The following CNBD2 variants were observed in gnomAD, a reference collection of about 807,000 sequenced individuals.
The protein encoded by CNBD2 is cyclic nucleotide binding domain containing 2, also known as cyclic nucleotide-binding domain-containing protein 2.
A neutral mutation model predicts 63.7 loss-of-function variants in CNBD2; 64 were observed. The observed-to-expected ratio is 1.00, with a 90% CI of 0.82 to 1.24. The LOEUF (loss-of-function observed/expected upper bound fraction) is 1.24. Ranked by LOEUF, CNBD2 falls within the 50% of genes most tolerant of loss-of-function variation. CNBD2 has a pLI of 0.00. For synonymous variants in CNBD2, 229 were observed against 255.4 expected (o/e 0.90, Z 0.99); for missense variants, 691 against 713.5 (o/e 0.97, Z 0.36).
rs762271230 is a variant in CNBD2, at chr20:36,030,478, AAG to A, written c.1569_1570del (p.Glu523AspfsTer5). 6.2e-7 allele frequency: 1 copy of A among 1,613,930 alleles called. No homozygotes were observed. Among genetic ancestry groups the A allele is most frequent in the South Asian group, 1.1e-5 (1 of 91,062 alleles). ...ACTGTTCACTCCAAACCGGCCCAAG[AAG>A]AGAGAGATCTACAACCCTAAGTCTG... is the stretch of plus-strand genomic sequence containing the variant. ...SQLFTPNRPK[K>X]REIYNPKSVV... is the part of the protein sequence containing the mutation. On this transcript the variant is annotated frameshift_variant, in exon 12 of 12. Transcript: ENST00000373973. LOFTEE classifies it low-confidence loss of function (END_TRUNC).
At chr20:35,954,867 G>T (rs1445400772) in exon 1 of CNBD2, 5 of 303,424 alleles carry the variant, frequency 1.6e-5, no homozygotes, top group Non-Finnish European at 2.7e-5. Context: ...TTCGAGTGGC[G>T]CCCGGCCGGT....
chr20:35,967,144 G>A (rs1043982772), upstream of CNBD2, among the ~76,000 whole-genome samples: 4 of 151,068 alleles, frequency 2.6e-5, no homozygotes, highest in Admixed American at 2.6e-4. Flanking sequence ...GTGGCAGCTC[G>A]ACCAGGCGGT....
intron 2 of CNBD2, among the ~76,000 whole-genome samples, chr20:35,961,506 C>T (rs2056308996): frequency 6.6e-6 from 1 of 152,060 alleles, no homozygotes; most frequent in African/African-American, 2.4e-5. Context: ...TCATGATTAT[C>T]ATCTGTTTCA....
intron 7 of CNBD2, among the ~76,000 whole-genome samples, chr20:35,987,855 AATTT>A (rs10636802): frequency 2.0e-5 from 3 of 151,226 alleles, no homozygotes; most frequent in Admixed American, 6.6e-5. Context: ...ATCACTTTTA[AATTT>A]ATTTATTTAT....
chr20:35,979,092 C>T (rs2056561989), intron 3 of CNBD2, among the ~76,000 whole-genome samples: 1 of 152,176 alleles, frequency 6.6e-6, no homozygotes. Context: ...TCTGGAGGAA[C>T]ACAGTAGGGG....
At chr20:35,977,564 G>C (rs2056538322) in intron 3 of CNBD2, among the ~76,000 whole-genome samples, 1 of 152,182 alleles carries the variant, frequency 6.6e-6, no homozygotes, top group African/African-American at 2.4e-5. Flanking sequence ...TGTGATCCCA[G>C]AATTTTGGGA....
At chr20:35,970,898 T>C (rs1303830072) in intron 1 of CNBD2, among the ~76,000 whole-genome samples, 1 of 151,482 alleles carries the variant, frequency 6.6e-6, no homozygotes, top group Non-Finnish European at 1.5e-5. Flanking sequence ...TACTTTTCAA[T>C]AGAAGTTAGT....
rs2056628937 is a variant in CNBD2 at position 35,983,858 on chromosome 20, C to T, written c.408-124C>T. The T allele has an allele frequency of 1.2e-5, 13 of 1,072,668 alleles. No individual in the cohort carries two copies. In the South Asian group the frequency reaches 1.6e-4, roughly 13 times the overall value. 66.4% of individuals were successfully genotyped at this position (1,072,668 alleles called of 1,614,324 possible). A position where few individuals can be genotyped will look rare whatever the true frequency, so the allele number is the denominator to read the frequency against. On this transcript the variant is annotated intron_variant, in intron 4 of 11. Transcript: ENST00000373973. ...TGGCAGGGCTGGGCTGTCCTGAGGGCCCTTCTGGTCCAAGTCTGTGCTCTT... is the reference window on the plus strand; with the variant it reads ...TGGCAGGGCTGGGCTGTCCTGAGGGTCCTTCTGGTCCAAGTCTGTGCTCTT...
chr20:35,988,415 C>T (rs1167922147), intron 7 of CNBD2, among the ~76,000 whole-genome samples: 1 of 152,098 alleles, frequency 6.6e-6, no homozygotes, highest in African/African-American at 2.4e-5. Context: ...AAGTGATCTG[C>T]CTGCCTCAGC....
At chr20:35,962,613 G>A (rs978037883) in intron 2 of CNBD2, among the ~76,000 whole-genome samples, 1 of 152,020 alleles carries the variant, frequency 6.6e-6, no homozygotes, top group South Asian at 2.1e-4. Context: ...GGGCCATAGG[G>A]GTGACATGTT....
At chr20:36,027,578 TACTA>T (rs1376691689) in intron 11 of CNBD2, among the ~76,000 whole-genome samples, 1 of 152,210 alleles carries the variant, frequency 6.6e-6, no homozygotes, top group African/African-American at 2.4e-5. Flanking sequence ...ATGACTAACT[TACTA>T]ACTGTGTGAT....
At chr20:35,970,284 G>A (rs1024632416) in intron 1 of CNBD2, among the ~76,000 whole-genome samples, 1 of 152,124 alleles carries the variant, frequency 6.6e-6, no homozygotes, top group African/African-American at 2.4e-5. Flanking sequence ...ATTTTGGATC[G>A]TAATCCTTTG....
intron 7 of CNBD2, 31 bp from the exon 8 acceptor site, chr20:35,995,007 A>T (rs2056803559): frequency 6.6e-7 from 1 of 1,509,610 alleles, no homozygotes; most frequent in South Asian, 1.1e-5. Context: ...TTAGGGGTTA[A>T]CCCTTTTCCT....
At chr20:35,977,185 CG>C (rs1156543410) in intron 3 of CNBD2, among the ~76,000 whole-genome samples, 2 of 152,108 alleles carry the variant, frequency 1.3e-5, no homozygotes, top group Non-Finnish European at 2.9e-5. Flanking sequence ...CAGTAGAGGG[CG>C]GGAAGAGGGC....
intron 7 of CNBD2, among the ~76,000 whole-genome samples, chr20:35,989,898 A>G (rs1054552927): frequency 6.8e-4 from 75 of 109,878 alleles, no homozygotes; most frequent in Middle Eastern, 4.8e-3. Context: ...AGAAGAGGGG[A>G]GGGGAGGGGA....
chr20:35,989,760 G>A (rs918099269), intron 7 of CNBD2, among the ~76,000 whole-genome samples: 9 of 151,836 alleles, frequency 5.9e-5, no homozygotes, highest in African/African-American at 1.9e-4. Context: ...TAGTCTTAAC[G>A]ACTCAGGAGA....
chr20:36,006,248 T>C (rs2056983674), intron 8 of CNBD2, among the ~76,000 whole-genome samples: 2 of 152,030 alleles, frequency 1.3e-5, no homozygotes, highest in Admixed American at 1.3e-4. Flanking sequence ...CAGGCTGGTC[T>C]CGAACTCCTG....
chr20:35,958,818 A>G (rs555512598), downstream of CNBD2: 1 of 152,310 alleles, frequency 6.6e-6, no homozygotes, highest in East Asian at 1.9e-4. Flanking sequence ...CCACTAATCT[A>G]TTCTCCATGT....
intron 11 of CNBD2, 78 bp from the exon 12 acceptor site, chr20:36,030,279 G>A: frequency 7.3e-7 from 1 of 1,367,146 alleles, no homozygotes; most frequent in Admixed American, 1.7e-5. Context: ...ACATGCTTAG[G>A]GAGGGGAGAG....
Sources: allele counts gnomAD v4.1 joint callset (sites outside exome capture counted in the v4.1 genomes callset), GRCh38; gene constraint gnomAD v4.1.1; transcripts MANE v1.5; gene names NCBI Gene and HGNC (gene_info 2026-07-23, HGNC 2026-07-21).